NDC1: variants seen among roughly 807,000 people sequenced by gnomAD.
NDC1 encodes the protein NDC1 transmembrane nucleoporin, also known as nucleoporin NDC1.
NDC1 carries 24 observed loss-of-function variants against 89.8 expected under a neutral mutation model. The ratio of observed to expected loss-of-function variants is 0.27; its 90% CI spans 0.19 to 0.38. The LOEUF (loss-of-function observed/expected upper bound fraction) is 0.38. Ranked by LOEUF, NDC1 falls within the 10% of genes least tolerant of loss-of-function variation. The probability of loss-of-function intolerance (pLI) is 1.00; values close to 1 mark genes in which losing one functional copy is unlikely to be tolerated. For synonymous variants in NDC1, 296 were observed against 284.8 expected (o/e 1.04, Z -0.39); for missense variants, 728 against 797.6 (o/e 0.91, Z 1.05).
chr1:53,768,109 CAAT>C (rs1330756293), intron 17 of NDC1, 76 bp from the exon 18 acceptor site: 1 of 840,466 alleles, frequency 1.2e-6, no homozygotes, highest in African/African-American at 1.8e-5. Context: ...AGCACAGAGA[CAAT>C]ATTTTTCAAA....
chr1:53,822,312 C>T (rs1045664580), intron 5 of NDC1, among the ~76,000 whole-genome samples: 2 of 151,640 alleles, frequency 1.3e-5, no homozygotes, highest in African/African-American at 4.8e-5. Context: ...CCGGCCTGGG[C>T]GACAAGAGCA....
At chr1:53,820,701 CTTTTT>C (rs927514677) in intron 5 of NDC1, among the ~76,000 whole-genome samples, 16 of 74,880 alleles carry the variant, frequency 2.1e-4, no homozygotes, top group Non-Finnish European at 1.7e-4. Flanking sequence ...ACTTCTCTCT[CTTTTT>C]TTTTTTTTTT....
intron 9 of NDC1, among the ~76,000 whole-genome samples, chr1:53,805,827 C>A (rs973679985): frequency 1.3e-5 from 2 of 152,192 alleles, no homozygotes; most frequent in South Asian, 4.1e-4. Context: ...GTAATCCCAG[C>A]ACTTTGGGAG....
rs184920525 is a variant in NDC1 at position 53,776,738 on chromosome 1, C to T, written c.1801-4249G>A. On this transcript the variant is annotated intron_variant, in intron 16 of 17. Transcript: ENST00000371429. Reference sequence around the variant, plus strand: ...AGAAAATTTAAAAATTATGAATTATCAATTGTATTCAATGAAAACTAAAAG... The same window carrying T: ...AGAAAATTTAAAAATTATGAATTATTAATTGTATTCAATGAAAACTAAAAG... Among the ~76,000 whole-genome samples the T allele has an allele frequency of 6.6e-5, 10 of 152,222 alleles. No individual in the cohort carries two copies. The East Asian group carries it at 1.9e-3, about 29-fold the overall frequency.
At position 53,767,092 on chromosome 1, in the gene NDC1, A is replaced by G. The variant is rs540490448; in HGVS notation, c.*878T>C. 6.6e-6 allele frequency: 1 copy of G among 152,166 alleles called. No individual in the cohort carries two copies. The highest frequency in any genetic ancestry group is 2.4e-5 in the African/African-American group (1 of 41,448). The allele number at this position is 152,166 out of a possible 1,614,324, so 9.4% of individuals were successfully genotyped here. On this transcript the variant is annotated 3_prime_UTR_variant, in exon 18 of 18. Transcript: ENST00000371429. ...GACAAGTTTCACAGAATTTGATCTA[A>G]TGAAGATGAATGGTGGGGAAAAAAG...
intron 5 of NDC1, among the ~76,000 whole-genome samples, chr1:53,822,090 G>A (rs1340133697): frequency 6.6e-6 from 1 of 152,176 alleles, no homozygotes; most frequent in African/African-American, 2.4e-5. Context: ...ACTGGTTTTA[G>A]TAGTGTAGGC....
At chr1:53,813,884 CAAACCTCAATAAATTTCAGA>C (rs1375246741) in intron 6 of NDC1, among the ~76,000 whole-genome samples, 1 of 152,160 alleles carries the variant, frequency 6.6e-6, no homozygotes, top group Non-Finnish European at 1.5e-5. Flanking sequence ...GGCCATAAAA[CAAACCTCAATAAATTTCAGA>C]AAACTGAAAT....
chr1:53,837,284 T>A (rs1557594143), intron 1 of NDC1, among the ~76,000 whole-genome samples: 1 of 152,028 alleles, frequency 6.6e-6, no homozygotes, highest in Non-Finnish European at 1.5e-5. Context: ...TTTAAAAAAA[T>A]TTTAGAGGCC....
rs1385742995 is a variant in NDC1 at position 53,838,265 on chromosome 1, G to C, written c.-4C>G. On this transcript the variant is annotated 5_prime_UTR_variant, in exon 1 of 18. It adds an upstream start codon to the 5' untranslated region. Transcript: ENST00000371429. ...GCCGGCTCACGGCCGTGGCCATGGA[G>C]ATGGCGGCCCCTAGTCTAGGGCGTA... 1 of 1,537,218 alleles carries C rather than the reference G, an allele frequency of 6.5e-7. No homozygotes were observed. Among genetic ancestry groups the C allele is most frequent in the Non-Finnish European group, 8.7e-7 (1 of 1,145,444 alleles).
intron 14 of NDC1, among the ~76,000 whole-genome samples, chr1:53,791,008 C>T (rs1281533578): frequency 6.6e-6 from 1 of 152,056 alleles, no homozygotes; most frequent in Non-Finnish European, 1.5e-5. Context: ...ATATTTGTAC[C>T]CTTTAACCTA....
chr1:53,783,554 A>C (rs1211152971), intron 16 of NDC1, among the ~76,000 whole-genome samples: 2 of 152,114 alleles, frequency 1.3e-5, no homozygotes, highest in African/African-American at 4.8e-5. Flanking sequence ...TTTCTAAGTA[A>C]ATAGGGCCTG....
chr1:53,800,478 C>T (rs957508264), intron 11 of NDC1, among the ~76,000 whole-genome samples: 1 of 151,884 alleles, frequency 6.6e-6, no homozygotes, highest in African/African-American at 2.4e-5. Flanking sequence ...AGGTGCACGC[C>T]ACCACGCCCA....
chr1:53,800,332 CTTTTTTTTTTTTT>C (rs1158363485), intron 11 of NDC1, among the ~76,000 whole-genome samples: 3 of 80,648 alleles, frequency 3.7e-5, no homozygotes, highest in Admixed American at 3.6e-4. Flanking sequence ...CTACAGTCAT[CTTTTTTTTTTTTT>C]TTTTTTTTTT....
intron 1 of NDC1, among the ~76,000 whole-genome samples, chr1:53,837,091 A>G (rs150304021): frequency 0.021 from 3,271 of 152,264 alleles, 258 homozygotes; most frequent in Admixed American, 0.15. Flanking sequence ...TGGTATGTCC[A>G]TACAGTGGAT....
At chr1:53,791,297 T>C (rs536428067) in intron 14 of NDC1, among the ~76,000 whole-genome samples, 1 of 152,248 alleles carries the variant, frequency 6.6e-6, no homozygotes, top group Non-Finnish European at 1.5e-5. Context: ...CAGGTGCCTG[T>C]AGTCCCAACT....
intron 16 of NDC1, among the ~76,000 whole-genome samples, chr1:53,786,840 G>A (rs1647322223): frequency 6.6e-6 from 1 of 152,086 alleles, no homozygotes; most frequent in African/African-American, 2.4e-5. Flanking sequence ...GGGACTACAA[G>A]CATACACCAC....
Position 53,832,575 on chromosome 1 carries a change from C to T in NDC1, c.195G>A (p.Leu65=), listed in dbSNP as rs770389248. The change falls in exon 3 of 18, where the codon CTG becomes CTA. Residue 65 remains leucine, a synonymous_variant. Transcript: ENST00000371429. ...IQWLSDSFSD[L]YSSYVIFYFL... ...AGTAAAAGATTACATAGGAACTATACAGGTCACTGAAAGAATCTAAAACAC... is the reference window on the plus strand; with the variant it reads ...AGTAAAAGATTACATAGGAACTATATAGGTCACTGAAAGAATCTAAAACAC... 4 of 1,570,672 alleles carry T rather than the reference C, an allele frequency of 2.5e-6. No homozygotes were observed. Among genetic ancestry groups the T allele is most frequent in the Non-Finnish European group, 3.5e-6 (4 of 1,141,752 alleles).
At chr1:53,787,339 T>G in intron 15 of NDC1, 81 bp from the exon 16 acceptor site, 1 of 800,378 alleles carries the variant, frequency 1.2e-6, no homozygotes, top group Non-Finnish European at 2.1e-6. Context: ...TAGGAAGGAT[T>G]AATATTCTGA....
chr1:53,773,454 T>C (rs1166665361), intron 16 of NDC1, among the ~76,000 whole-genome samples: 2 of 152,194 alleles, frequency 1.3e-5, no homozygotes, highest in East Asian at 3.8e-4. Flanking sequence ...TGTTTTTTAG[T>C]TTCTTCCAAG....
Sources: allele counts gnomAD v4.1 joint callset (sites outside exome capture counted in the v4.1 genomes callset), GRCh38; gene constraint gnomAD v4.1.1; transcripts MANE v1.5; gene names NCBI Gene and HGNC (gene_info 2026-07-23, HGNC 2026-07-21).